DAB1: variants seen among roughly 807,000 people sequenced by gnomAD.
DAB1 encodes DAB adaptor protein 1, also known as disabled homolog 1.
A neutral mutation model predicts 64.6 loss-of-function variants in DAB1; 15 were observed. That is an observed-to-expected ratio of 0.23 (90% confidence interval 0.16 to 0.36). The LOEUF is 0.36. DAB1 is among the 10% of genes least tolerant of loss of function. The probability of loss-of-function intolerance (pLI) is 1.00; values close to 1 mark genes in which losing one functional copy is unlikely to be tolerated. For synonymous variants in DAB1, 235 were observed against 251.9 expected (o/e 0.93, Z 0.64); for missense variants, 596 against 706.7 (o/e 0.84, Z 1.78).
chr1:58,142,188 C>T (rs1654323804), intron 5 of DAB1, among the ~76,000 whole-genome samples: 1 of 152,150 alleles, frequency 6.6e-6, no homozygotes, highest in African/African-American at 2.4e-5. Flanking sequence ...CTCCCTGCCT[C>T]AGTCTCTCCG....
At chr1:57,762,190 C>T (rs1649116603) in intron 6 of DAB1, among the ~76,000 whole-genome samples, 1 of 152,044 alleles carries the variant, frequency 6.6e-6, no homozygotes, top group Non-Finnish European at 1.5e-5. Context: ...CTGTTGATTC[C>T]TCTGGTCCAG....
chr1:58,048,650 T>C, intron 5 of DAB1: 2 of 1,260,224 alleles, frequency 1.6e-6, no homozygotes, highest in Non-Finnish European at 1.1e-6. Context: ...ACAACCAAAG[T>C]TGTCATTCCC....
At chr1:58,410,895 C>T (rs1437111442) in intron 3 of DAB1, among the ~76,000 whole-genome samples, 2 of 152,178 alleles carry the variant, frequency 1.3e-5, no homozygotes, top group Non-Finnish European at 1.5e-5. Context: ...TTTACTCCAC[C>T]GTACATGACA....
intron 4 of DAB1, among the ~76,000 whole-genome samples, chr1:58,283,868 C>T (rs1240291561): frequency 6.6e-6 from 1 of 152,136 alleles, no homozygotes; most frequent in Non-Finnish European, 1.5e-5. Flanking sequence ...TTTTATTTGT[C>T]TTTGTCATAT....
At chr1:57,100,186 A>G (rs1384757530) in intron 4 of DAB1, among the ~76,000 whole-genome samples, 2 of 152,304 alleles carry the variant, frequency 1.3e-5, no homozygotes, top group Non-Finnish European at 1.5e-5. Flanking sequence ...AAATGAAGAT[A>G]AAAATAGAAT....
chr1:57,747,824 A>T (rs1410489478), intron 6 of DAB1, among the ~76,000 whole-genome samples: 2 of 149,340 alleles, frequency 1.3e-5, no homozygotes, highest in Non-Finnish European at 3.0e-5. Flanking sequence ...AAAAAAAAAA[A>T]AAAAAAAAAG....
intron 6 of DAB1, among the ~76,000 whole-genome samples, chr1:57,802,264 G>T (rs1414268701): frequency 1.3e-5 from 2 of 152,186 alleles, no homozygotes; most frequent in Non-Finnish European, 2.9e-5. Context: ...TGTCCTTTTG[G>T]TAGAAAGACC....
At chr1:57,024,921 A>G (rs927913848) in intron 10 of DAB1, among the ~76,000 whole-genome samples, 1 of 152,142 alleles carries the variant, frequency 6.6e-6, no homozygotes, top group Admixed American at 6.5e-5. Flanking sequence ...GCTGCCTTGG[A>G]CATCAGGTGT....
intron 5 of DAB1, among the ~76,000 whole-genome samples, chr1:57,995,985 G>A (rs919756910): frequency 5.3e-5 from 8 of 152,142 alleles, no homozygotes; most frequent in South Asian, 2.1e-4. Flanking sequence ...TAGTCTGGGC[G>A]CGGTGGCTCA....
chr1:58,356,611 A>T (rs1431085926), intron 3 of DAB1, among the ~76,000 whole-genome samples: 1 of 152,142 alleles, frequency 6.6e-6, no homozygotes, highest in Non-Finnish European at 1.5e-5. Context: ...GCTCATACAG[A>T]GGCCTTGGGA....
intron 5 of DAB1, among the ~76,000 whole-genome samples, chr1:57,891,451 G>T (rs958180714): frequency 6.6e-6 from 1 of 152,184 alleles, no homozygotes; most frequent in Non-Finnish European, 1.5e-5. Flanking sequence ...AAAGTGTGGT[G>T]ATTGCTCAAA....
intron 5 of DAB1, among the ~76,000 whole-genome samples, chr1:58,107,276 T>C (rs1243449713): frequency 1.0e-4 from 14 of 139,996 alleles, no homozygotes; most frequent in Non-Finnish European, 1.8e-4. Flanking sequence ...TTGGCTAACA[T>C]GATGAAACCC....
chr1:57,181,788 A>G (rs1662964389), intron 2 of DAB1, among the ~76,000 whole-genome samples: 1 of 152,222 alleles, frequency 6.6e-6, no homozygotes, highest in Non-Finnish European at 1.5e-5. Context: ...GCCCCTTCCT[A>G]GCTGTGGAGT....
At chr1:57,981,097 C>T (rs940843829) in intron 5 of DAB1, among the ~76,000 whole-genome samples, 7 of 151,838 alleles carry the variant, frequency 4.6e-5, no homozygotes, top group Admixed American at 6.6e-5. Flanking sequence ...GAGAACAAAC[C>T]TAGCTCTACT....
intron 2 of DAB1, among the ~76,000 whole-genome samples, chr1:57,256,078 C>T (rs921299692): frequency 6.6e-6 from 1 of 152,208 alleles, no homozygotes; most frequent in African/African-American, 2.4e-5. Flanking sequence ...ACTTCCCATG[C>T]TGGATATTAC....
chr1:58,396,759 G>A (rs889711065), intron 3 of DAB1, among the ~76,000 whole-genome samples: 9 of 152,136 alleles, frequency 5.9e-5, no homozygotes, highest in Non-Finnish European at 1.2e-4. Flanking sequence ...AAAGCACAGG[G>A]ACATAAAGAA....
chr1:57,765,083 A>T (rs1229132048), intron 6 of DAB1, among the ~76,000 whole-genome samples: 1 of 152,208 alleles, frequency 6.6e-6, no homozygotes, highest in South Asian at 2.1e-4. Flanking sequence ...GTTCTAGCCC[A>T]ATGTTCACAG....
rs144419403 is a variant in DAB1 at position 58,239,892 on chromosome 1, C to T, written n.310-89304G>A. ...GCCAAGAAGACCAAAGGTTTCCAGTCCCGGAGCCGCAAGTCATTATCAAGC... is the reference window on the plus strand; with the variant it reads ...GCCAAGAAGACCAAAGGTTTCCAGTTCCGGAGCCGCAAGTCATTATCAAGC... On this transcript the variant is annotated intron_variant and non_coding_transcript_variant, in intron 4 of 20. Coordinates refer to the DAB1 transcript ENST00000485760. Among the ~76,000 whole-genome samples, 12 of 152,274 alleles carry T rather than the reference C, an allele frequency of 7.9e-5. No individual in the cohort carries two copies. The East Asian group carries it at 2.3e-3, about 29-fold the overall frequency.
chr1:58,300,610 AAGAGAGAGAGAGAGAG>A (rs770388855), intron 4 of DAB1, among the ~76,000 whole-genome samples: 45 of 46,986 alleles, frequency 9.6e-4, no homozygotes, highest in Non-Finnish European at 1.7e-3. Flanking sequence ...GAAAGAAAGA[AAGAGAGAGAGAGAGAG>A]AGAGAGAGAG....
Sources: allele counts gnomAD v4.1 joint callset (sites outside exome capture counted in the v4.1 genomes callset), GRCh38; gene constraint gnomAD v4.1.1; transcripts MANE v1.5; gene names NCBI Gene and HGNC (gene_info 2026-07-23, HGNC 2026-07-21).